The following SRPK2 variants were observed in gnomAD, a reference collection of about 807,000 sequenced individuals.
SRPK2 encodes SFRS protein kinase 2.
A neutral mutation model predicts 90.8 loss-of-function variants in SRPK2; 21 were observed. The ratio of observed to expected loss-of-function variants is 0.23; its 90% CI spans 0.16 to 0.33. The LOEUF (loss-of-function observed/expected upper bound fraction) is 0.33. Ranked by LOEUF, SRPK2 falls within the 10% of genes least tolerant of loss-of-function variation. The pLI, the probability that SRPK2 is intolerant of heterozygous loss-of-function variation, is 1.00. For synonymous variants in SRPK2, 288 were observed against 311.1 expected (o/e 0.93, Z 0.78); for missense variants, 620 against 869.0 (o/e 0.71, Z 3.60).
At chr7:105,303,340 C>T (rs1013507908) in intron 2 of SRPK2, among the ~76,000 whole-genome samples, 16 of 151,954 alleles carry the variant, frequency 1.1e-4, no homozygotes, top group Non-Finnish European at 2.2e-4. Context: ...GGAGGGACAG[C>T]ATTAGGAGAA....
At chr7:105,320,710 C>CT (rs1299777360) in intron 2 of SRPK2, among the ~76,000 whole-genome samples, 1 of 152,124 alleles carries the variant, frequency 6.6e-6, no homozygotes, top group Non-Finnish European at 1.5e-5. Context: ...ACAGCTTTTC[C>CT]TTTTTTTAAC....
At chr7:105,353,742 C>T (rs1251611494) in intron 2 of SRPK2, among the ~76,000 whole-genome samples, 3 of 152,132 alleles carry the variant, frequency 2.0e-5, no homozygotes, top group Admixed American at 6.6e-5. Flanking sequence ...AAATCCCACT[C>T]CTGAGCTGAT....
chr7:105,206,939 A>G (rs1308722297), intron 2 of SRPK2, among the ~76,000 whole-genome samples: 2 of 152,304 alleles, frequency 1.3e-5, no homozygotes, highest in Middle Eastern at 3.4e-3. Context: ...TAGGACTTCT[A>G]ATGACCTACT....
chr7:105,323,028 G>A (rs2131570051), intron 2 of SRPK2, among the ~76,000 whole-genome samples: 1 of 152,172 alleles, frequency 6.6e-6, no homozygotes, highest in African/African-American at 2.4e-5. Flanking sequence ...GTGAAATCCT[G>A]TCTCTACTAA....
chr7:105,217,073 G>A (rs755746278), intron 2 of SRPK2, among the ~76,000 whole-genome samples: 12 of 152,152 alleles, frequency 7.9e-5, no homozygotes, highest in Non-Finnish European at 1.3e-4. Flanking sequence ...GATACATTAC[G>A]CACGATACTG....
intron 2 of SRPK2, among the ~76,000 whole-genome samples, chr7:105,226,480 G>T (rs1399559006): frequency 6.6e-6 from 1 of 151,912 alleles, no homozygotes; most frequent in African/African-American, 2.4e-5. Flanking sequence ...TAGTAGAGTT[G>T]GGGTTTCACC....
intron 2 of SRPK2, among the ~76,000 whole-genome samples, chr7:105,292,174 A>G (rs1704789905): frequency 6.6e-6 from 1 of 152,320 alleles, no homozygotes; most frequent in Middle Eastern, 3.4e-3. Flanking sequence ...TCTTAACTTT[A>G]TTTAAGCCAT....
At chr7:105,345,144 A>T (rs539877877) in intron 2 of SRPK2, among the ~76,000 whole-genome samples, 1 of 131,822 alleles carries the variant, frequency 7.6e-6, no homozygotes, top group Non-Finnish European at 1.6e-5. Context: ...CAAGGACAGG[A>T]GAGGAGGGGA....
intron 2 of SRPK2, among the ~76,000 whole-genome samples, chr7:105,295,394 C>G (rs904590926): frequency 6.6e-6 from 1 of 151,886 alleles, no homozygotes; most frequent in Non-Finnish European, 1.5e-5. Context: ...ATGAATAAGA[C>G]TATCTTGGAT....
rs555291251 is a variant in SRPK2, at chr7:105,190,072, G to C, written c.229+13556C>G. Reference sequence around the variant, plus strand: ...AGCATTCTCTTAGTGGGTAATGGCAGCACCAGCAGGAGCAGGCCAGGAGCA... The same window carrying C: ...AGCATTCTCTTAGTGGGTAATGGCACCACCAGCAGGAGCAGGCCAGGAGCA... On this transcript the variant is annotated intron_variant, in intron 3 of 15. Coordinates refer to ENST00000393651, the MANE Select transcript of SRPK2 (RefSeq NM_182692.3). Among the ~76,000 whole-genome samples the C allele has an allele frequency of 5.7e-4, 87 of 152,270 alleles. No homozygotes were observed. In the South Asian group the frequency reaches 0.016, roughly 28 times the overall value.
At chr7:105,153,427 A>G (rs1397943908) in intron 7 of SRPK2, among the ~76,000 whole-genome samples, 4 of 152,122 alleles carry the variant, frequency 2.6e-5, no homozygotes, top group Non-Finnish European at 5.9e-5. Flanking sequence ...GTCAGATACC[A>G]TCTATTACTG....
chr7:105,227,882 G>A (rs1258746386), intron 2 of SRPK2, among the ~76,000 whole-genome samples: 2 of 99,878 alleles, frequency 2.0e-5, no homozygotes, highest in Non-Finnish European at 3.8e-5. Context: ...ACAAAACAGA[G>A]TATCATTCAG....
intron 3 of SRPK2, among the ~76,000 whole-genome samples, chr7:105,200,805 T>A (rs1795449169): frequency 6.6e-6 from 1 of 152,168 alleles, no homozygotes; most frequent in Admixed American, 6.5e-5. Flanking sequence ...AGGAAAACAC[T>A]GAGAACTGTT....
chr7:105,243,645 A>C (rs1009352432), intron 2 of SRPK2, among the ~76,000 whole-genome samples: 3 of 151,108 alleles, frequency 2.0e-5, no homozygotes, highest in Non-Finnish European at 2.9e-5. Context: ...AAAAAAAAAA[A>C]AAAAACCACA....
At chr7:105,178,028 CAAAAAAAA>C (rs748165970) in intron 3 of SRPK2, among the ~76,000 whole-genome samples, 1 of 57,114 alleles carries the variant, frequency 1.8e-5, no homozygotes, top group African/African-American at 6.0e-5. Context: ...GACTCCGTCT[CAAAAAAAA>C]AAAAAAAAAA....
intron 11 of SRPK2, 50 bp downstream of exon 11, chr7:105,141,958 A>C (rs748050977): frequency 2.7e-5 from 42 of 1,547,754 alleles, no homozygotes; most frequent in South Asian, 1.8e-4. Context: ...TGTTAAAGGC[A>C]CGTCCCTGGA....
intron 2 of SRPK2, among the ~76,000 whole-genome samples, chr7:105,210,384 T>TCC (rs1243697606): frequency 1.3e-5 from 2 of 152,122 alleles, no homozygotes; most frequent in Admixed American, 6.6e-5. Context: ...CCTTCCTCCC[T>TCC]CCCTCCTTCT....
intron 2 of SRPK2, among the ~76,000 whole-genome samples, chr7:105,294,997 G>C (rs1809595572): frequency 6.6e-6 from 1 of 152,098 alleles, no homozygotes; most frequent in Non-Finnish European, 1.5e-5. Flanking sequence ...GATCACCTGA[G>C]GTCAGGAGTT....
chr7:105,256,771 C>T (rs1228529305), intron 2 of SRPK2, among the ~76,000 whole-genome samples: 1 of 152,180 alleles, frequency 6.6e-6, no homozygotes, highest in South Asian at 2.1e-4. Context: ...CAGCAATCAG[C>T]AAGAGAGCCG....
Sources: allele counts gnomAD v4.1 joint callset (sites outside exome capture counted in the v4.1 genomes callset), GRCh38; gene constraint gnomAD v4.1.1; transcripts MANE v1.5; gene names NCBI Gene and HGNC (gene_info 2026-07-23, HGNC 2026-07-21).